RTF2: variants seen among roughly 807,000 people sequenced by gnomAD.
RTF2 encodes the protein replication termination factor 2, also known as UPF0549 protein C20orf43.
Under a neutral mutation model 38.0 loss-of-function variants are expected in RTF2, and 18 were observed. The observed-to-expected ratio is 0.47, with a 90% CI of 0.33 to 0.70. The LOEUF (loss-of-function observed/expected upper bound fraction) is 0.70, where lower values mean the gene tolerates loss of function less well. RTF2 is among the 30% of genes least tolerant of loss of function. RTF2 has a pLI of 0.02. For synonymous variants in RTF2, 126 were observed against 137.1 expected, an observed-to-expected ratio of 0.92 and a Z score of 0.57; for missense variants, 311 against 379.6, an observed-to-expected ratio of 0.82 and a Z score of 1.50.
At chr20:56,497,041 C>T in intron 5 of RTF2, 3 of 1,551,696 alleles carry the variant, frequency 1.9e-6, no homozygotes, top group South Asian at 1.2e-5. Context: ...TGCACTAGAA[C>T]TTTCATACAA....
intron 5 of RTF2, among the ~76,000 whole-genome samples, chr20:56,511,020 A>G (rs1360582343): frequency 6.6e-6 from 1 of 152,174 alleles, no homozygotes; most frequent in African/African-American, 2.4e-5. Flanking sequence ...TATATATGCT[A>G]TGAATATTTC....
Position 56,491,605 on chromosome 20 carries a change from G to A in RTF2, c.477+7416G>A, listed in dbSNP as rs1476137836. On this transcript the variant is annotated intron_variant, in intron 5 of 8. Transcript: ENST00000357348. The stretch of plus-strand genomic sequence containing the variant: ...AATGACTCTGCTGTTGAAAATGCCA[G>A]TGTGGCTCTATAGGAACTTCTGCCT... The A allele has an allele frequency of 3.2e-6, 5 of 1,551,700 alleles. No individual in the cohort carries two copies. The East Asian group carries it at 7.3e-5, about 23-fold the overall frequency.
chr20:56,507,296 A>G (rs531670651), intron 5 of RTF2, among the ~76,000 whole-genome samples: 1 of 152,048 alleles, frequency 6.6e-6, no homozygotes, highest in South Asian at 2.1e-4. Context: ...GGGATGAACC[A>G]CTGCACTCAG....
intron 5 of RTF2, among the ~76,000 whole-genome samples, chr20:56,498,292 C>T (rs533107997): frequency 1.3e-5 from 2 of 152,146 alleles, no homozygotes; most frequent in South Asian, 4.2e-4. Context: ...GTTTCTGGGC[C>T]AGGCATAGTG....
intron 6 of RTF2, chr20:56,516,540 C>A: frequency 5.5e-6 from 1 of 182,970 alleles, no homozygotes; most frequent in Non-Finnish European, 1.1e-5. Flanking sequence ...GGTGTTTATG[C>A]TGGCTGGACT....
intron 1 of RTF2, chr20:56,470,755 G>A (rs188245753): frequency 3.6e-5 from 16 of 440,926 alleles, no homozygotes; most frequent in Admixed American, 2.4e-4. Flanking sequence ...CTACGTGGTG[G>A]GGTCTCCATA....
intron 4 of RTF2, among the ~76,000 whole-genome samples, chr20:56,478,150 A>C (rs1474484308): frequency 6.6e-6 from 1 of 152,176 alleles, no homozygotes; most frequent in Non-Finnish European, 1.5e-5. Flanking sequence ...AACAAATATT[A>C]CTGGAAAGCA....
intron 5 of RTF2, among the ~76,000 whole-genome samples, chr20:56,492,889 G>A (rs946083897): frequency 2.0e-5 from 3 of 150,716 alleles, no homozygotes; most frequent in Admixed American, 6.6e-5. Flanking sequence ...TTAAAAAAAC[G>A]TATCTTGGCT....
At chr20:56,495,813 C>T (rs1440355568) in intron 5 of RTF2, among the ~76,000 whole-genome samples, 1 of 152,178 alleles carries the variant, frequency 6.6e-6, no homozygotes, top group African/African-American at 2.4e-5. Context: ...CTATAGAAGC[C>T]AGTCCACCTT....
intron 5 of RTF2, among the ~76,000 whole-genome samples, chr20:56,494,959 G>C (rs1983415042): frequency 1.3e-5 from 2 of 152,224 alleles, no homozygotes; most frequent in East Asian, 3.9e-4. Flanking sequence ...TTGGTGCAGA[G>C]GGTATATTTA....
At chr20:56,472,915 G>A (rs943955661) in intron 1 of RTF2, among the ~76,000 whole-genome samples, 1 of 152,078 alleles carries the variant, frequency 6.6e-6, no homozygotes, top group East Asian at 1.9e-4. Context: ...TGAGATGGGC[G>A]GATCATTTGA....
chr20:56,516,171 C>G (rs1343061455), intron 6 of RTF2: 1 of 152,220 alleles, frequency 6.6e-6, no homozygotes, highest in African/African-American at 2.4e-5. Context: ...ATGCTCAGTG[C>G]TGGGAGATGG....
chr20:56,496,895 C>CAATG, intron 5 of RTF2: 1 of 1,551,648 alleles, frequency 6.4e-7, no homozygotes, highest in Non-Finnish European at 8.7e-7. Context: ...ATTTAATGTG[C>CAATG]AATGGTTGGA....
At position 56,468,662 on chromosome 20, in the gene RTF2, T is replaced by C; in HGVS notation, c.-36T>C. 1 of 1,547,634 alleles carries C rather than the reference T, an allele frequency of 6.5e-7. No homozygotes were observed. On this transcript the variant is annotated 5_prime_UTR_variant, in exon 1 of 9. Transcript: ENST00000357348. The stretch of plus-strand genomic sequence containing the variant: ...CCGGAAATCCCGGAAGTGACAGCTT[T>C]GGGGGTTTGCTGCTGGCTCTGACTC...
At chr20:56,516,738 GC>G (rs1985063355) in intron 6 of RTF2, 196 bp from the exon 7 acceptor site, 1 of 625,070 alleles carries the variant, frequency 1.6e-6, no homozygotes, top group Non-Finnish European at 2.9e-6. Flanking sequence ...AGGCAGAAGT[GC>G]ATGACTGGTG....
chr20:56,480,932 C>A (rs1210504677), intron 4 of RTF2, among the ~76,000 whole-genome samples: 2 of 152,196 alleles, frequency 1.3e-5, no homozygotes, highest in East Asian at 3.8e-4. Context: ...ATCATGAAAT[C>A]ATTTGAAATA....
chr20:56,485,868 CTA>C (rs1982770656), intron 5 of RTF2, among the ~76,000 whole-genome samples: 2 of 152,160 alleles, frequency 1.3e-5, no homozygotes, highest in African/African-American at 4.8e-5. Context: ...ACATCACACT[CTA>C]TTTTGCTTTT....
At chr20:56,508,673 G>A (rs540177538) in intron 5 of RTF2, among the ~76,000 whole-genome samples, 30 of 152,268 alleles carry the variant, frequency 2.0e-4, no homozygotes, top group African/African-American at 6.7e-4. Context: ...ATGAGAACGG[G>A]CATATACATC....
At chr20:56,506,336 CA>C (rs1231467272) in intron 5 of RTF2, among the ~76,000 whole-genome samples, 1 of 152,086 alleles carries the variant, frequency 6.6e-6, no homozygotes, top group African/African-American at 2.4e-5. Flanking sequence ...GCACAGGAAA[CA>C]AAAACAGGAT....
Sources: gnomAD v4.1 joint callset for allele counts (sites outside exome capture counted in the v4.1 genomes callset) on GRCh38, gnomAD v4.1.1 for gene constraint, MANE v1.5 for transcripts, NCBI Gene and HGNC (gene_info 2026-07-23, HGNC 2026-07-21) for gene names.